Variants in NUP58 observed in about 807,000 individuals in gnomAD.
The protein encoded by NUP58 is nucleoporin 58.
Under a neutral mutation model 70.1 loss-of-function variants are expected in NUP58, and 17 were observed. The ratio of observed to expected loss-of-function variants is 0.24; its 90% CI spans 0.17 to 0.36. The LOEUF (loss-of-function observed/expected upper bound fraction) is 0.36. Among genes scored for constraint, NUP58 ranks in the 10% least tolerant of loss-of-function variants. The pLI, the probability that NUP58 is intolerant of heterozygous loss-of-function variation, is 1.00. For synonymous variants in NUP58, 275 were observed against 257.6 expected (o/e 1.07, Z -0.65); for missense variants, 644 against 701.5 (o/e 0.92, Z 0.93).
intron 13 of NUP58, chr13:25,332,977 G>T: frequency 8.1e-6 from 8 of 985,274 alleles, no homozygotes; most frequent in Non-Finnish European, 9.6e-6. Flanking sequence ...GATAAGTGTA[G>T]ATTTGGTTAA....
At chr13:25,304,845 G>A (rs1023341034) in intron 1 of NUP58, among the ~76,000 whole-genome samples, 8 of 151,740 alleles carry the variant, frequency 5.3e-5, no homozygotes, top group Non-Finnish European at 7.4e-5. Context: ...TAATGTTTTA[G>A]TATCCCCCAA....
chr13:25,331,308 A>G, intron 12 of NUP58, 49 bp from the exon 13 acceptor site: 5 of 1,533,430 alleles, frequency 3.3e-6, no homozygotes, highest in South Asian at 1.1e-5. Context: ...CATATTAACC[A>G]TAGTCAATGT....
chr13:25,312,789 T>C, intron 3 of NUP58, 94 bp from the exon 4 acceptor site: 1 of 1,277,624 alleles, frequency 7.8e-7, no homozygotes, highest in South Asian at 1.5e-5. Flanking sequence ...TATCATGAAC[T>C]TTTAAGGATC....
intron 13 of NUP58, 171 bp downstream of exon 13, chr13:25,331,729 C>G (rs1378260916): frequency 7.0e-7 from 1 of 1,426,676 alleles, no homozygotes; most frequent in Non-Finnish European, 9.2e-7. Flanking sequence ...ATAAAAAAGG[C>G]AGGGTAGTCT....
At chr13:25,305,354 TAGAG>T (rs1406053609) in intron 1 of NUP58, among the ~76,000 whole-genome samples, 2 of 151,940 alleles carry the variant, frequency 1.3e-5, no homozygotes, top group African/African-American at 2.4e-5. Context: ...GTTTTTTCGG[TAGAG>T]AGAGTTTCAC....
At chr13:25,338,835 G>T in intron 15 of NUP58, 104 bp downstream of exon 15, 1 of 901,172 alleles carries the variant, frequency 1.1e-6, no homozygotes. Context: ...TTCCCTCCCT[G>T]ATTCAGTTTT....
chr13:25,348,383 T>A (rs767639272), intron 3 of NUP58, among the ~76,000 whole-genome samples: 4 of 151,364 alleles, frequency 2.6e-5, no homozygotes, highest in Non-Finnish European at 5.9e-5. Context: ...TGATGACATG[T>A]TGAAATAAGT....
At chr13:25,310,815 ATTTC>A (rs1249300612) in intron 3 of NUP58, among the ~76,000 whole-genome samples, 1 of 152,012 alleles carries the variant, frequency 6.6e-6, no homozygotes, top group African/African-American at 2.4e-5. Context: ...TCATTCATAC[ATTTC>A]TTTATTTAAT....
downstream of NUP58, among the ~76,000 whole-genome samples, chr13:25,344,235 T>A (rs1405894120): frequency 1.3e-5 from 2 of 152,180 alleles, no homozygotes. Context: ...GGTATTAATA[T>A]TTTTCCTGAG....
chr13:25,315,281 A>G, intron 5 of NUP58, 76 bp from the exon 6 acceptor site: 2 of 1,005,598 alleles, frequency 2.0e-6, no homozygotes, highest in Middle Eastern at 2.1e-4. Context: ...CTTTAAAAGC[A>G]TTAGAGTCCT....
chr13:25,337,296 C>T (rs2031820678), intron 14 of NUP58, among the ~76,000 whole-genome samples: 1 of 152,098 alleles, frequency 6.6e-6, no homozygotes, highest in South Asian at 2.1e-4. Context: ...AATATGCTGA[C>T]ACATGAACTT....
intron 15 of NUP58, 123 bp from the exon 16 acceptor site, chr13:25,339,842 A>G: frequency 1.2e-6 from 1 of 825,954 alleles, no homozygotes; most frequent in Non-Finnish European, 1.9e-6. Context: ...TAGGGCTTTA[A>G]TATATTTGCT....
downstream of NUP58, among the ~76,000 whole-genome samples, chr13:25,345,421 T>C (rs1252028833): frequency 6.6e-6 from 1 of 152,130 alleles, no homozygotes; most frequent in Non-Finnish European, 1.5e-5. Context: ...TACCTAGGTC[T>C]ATGTGATTTA....
downstream of NUP58, among the ~76,000 whole-genome samples, chr13:25,343,766 A>G (rs1185115455): frequency 2.0e-5 from 3 of 149,650 alleles, no homozygotes; most frequent in Admixed American, 1.3e-4. Context: ...CAATTCATCC[A>G]TTCCTTTTTA....
At chr13:25,339,886 AT>A in intron 15 of NUP58, 78 bp from the exon 16 acceptor site, 1 of 1,251,610 alleles carries the variant, frequency 8.0e-7, no homozygotes, top group East Asian at 2.5e-5. Context: ...TTAGATAGAA[AT>A]TTACTGCTCC....
downstream of NUP58, among the ~76,000 whole-genome samples, chr13:25,344,714 T>C (rs2032028666): frequency 6.6e-6 from 1 of 152,226 alleles, no homozygotes; most frequent in Admixed American, 6.5e-5. Context: ...TCTTTTGTTC[T>C]TTTAACAAAG....
chr13:25,343,805 G>GTATATATATATATATATATATATATA (rs59054918), downstream of NUP58, among the ~76,000 whole-genome samples: 2 of 137,664 alleles, frequency 1.5e-5, no homozygotes, highest in East Asian at 2.2e-4. Context: ...ACATATATAT[G>GTATATATATATATATATATATATATA]TATATATATA....
chr13:25,306,297 C>G (rs566436807), intron 1 of NUP58, among the ~76,000 whole-genome samples: 12 of 151,132 alleles, frequency 7.9e-5, no homozygotes, highest in African/African-American at 2.7e-4. Flanking sequence ...CTGAGCTACT[C>G]CGGAGGCTGA....
intron 6 of NUP58, among the ~76,000 whole-genome samples, chr13:25,317,012 A>G (rs1248083800): frequency 2.0e-5 from 3 of 152,018 alleles, no homozygotes; most frequent in East Asian, 1.9e-4. Flanking sequence ...CCTTTTATCT[A>G]TTGCTTATAT....
Sources: gnomAD v4.1 joint callset for allele counts (sites outside exome capture counted in the v4.1 genomes callset) on GRCh38, gnomAD v4.1.1 for gene constraint, MANE v1.5 for transcripts, NCBI Gene and HGNC (gene_info 2026-07-23, HGNC 2026-07-21) for gene names.